Variants in RFX3 observed in about 807,000 individuals in gnomAD.
RFX3 encodes regulatory factor X3.
In RFX3, 14 loss-of-function variants were observed where a neutral mutation model predicts 98.6. That is an observed-to-expected ratio of 0.14 (90% CI 0.09 to 0.22). The LOEUF (loss-of-function observed/expected upper bound fraction) is 0.22. RFX3 is among the 10% of genes least tolerant of loss of function. The pLI is 1.00. For synonymous variants in RFX3, 383 were observed against 328.4 expected (o/e 1.17, Z -1.80); for missense variants, 639 against 926.9 (o/e 0.69, Z 4.03).
intron 1 of RFX3, among the ~76,000 whole-genome samples, chr9:3,424,006 G>A (rs545437425): frequency 8.6e-4 from 130 of 151,548 alleles, no homozygotes; most frequent in Admixed American, 3.9e-3. Context: ...AATTAGCCGG[G>A]CGTGGTGGCA....
At chr9:3,457,277 T>G (rs911655124) in intron 1 of RFX3, among the ~76,000 whole-genome samples, 8 of 152,084 alleles carry the variant, frequency 5.3e-5, no homozygotes, top group African/African-American at 1.7e-4. Context: ...TGCATGATCT[T>G]TAGTTTTCTG....
chr9:3,294,338 T>C (rs1327696147), intron 5 of RFX3, among the ~76,000 whole-genome samples: 1 of 152,072 alleles, frequency 6.6e-6, no homozygotes, highest in South Asian at 2.1e-4. Flanking sequence ...GTAAGACAGG[T>C]GTAATAAAGA....
At chr9:3,424,512 C>T (rs1245664372) in intron 1 of RFX3, among the ~76,000 whole-genome samples, 2 of 151,440 alleles carry the variant, frequency 1.3e-5, no homozygotes, top group African/African-American at 2.4e-5. Context: ...CAGGCGCCCG[C>T]CACCGCGCCC....
At chr9:3,235,868 C>T (rs1212050551) in intron 15 of RFX3, among the ~76,000 whole-genome samples, 1 of 152,196 alleles carries the variant, frequency 6.6e-6, no homozygotes, top group Non-Finnish European at 1.5e-5. Flanking sequence ...AATTAGCAAC[C>T]TTAGTTCCAC....
chr9:3,280,264 T>C (rs1377819434), intron 7 of RFX3, among the ~76,000 whole-genome samples: 1 of 151,762 alleles, frequency 6.6e-6, no homozygotes, highest in East Asian at 1.9e-4. Flanking sequence ...AAGAATGACA[T>C]CAAGATGGTA....
At chr9:3,239,754 G>GT (rs1226817549) in intron 15 of RFX3, among the ~76,000 whole-genome samples, 1 of 152,210 alleles carries the variant, frequency 6.6e-6, no homozygotes, top group Admixed American at 6.5e-5. Flanking sequence ...TCTGCTTTGT[G>GT]TTTTCCATTG....
At chr9:3,353,304 A>G (rs916478544) in intron 2 of RFX3, among the ~76,000 whole-genome samples, 2 of 152,026 alleles carry the variant, frequency 1.3e-5, no homozygotes, top group Non-Finnish European at 2.9e-5. Flanking sequence ...ATATGTAACT[A>G]ACCTGCACAT....
chr9:3,228,945 C>T, intron 15 of RFX3, 56 bp from the exon 16 acceptor site: 1 of 1,456,118 alleles, frequency 6.9e-7, no homozygotes, highest in East Asian at 2.3e-5. Context: ...TAAAATAATA[C>T]TCTATCAGTC....
chr9:3,407,519 TA>T (rs769180640), intron 1 of RFX3, among the ~76,000 whole-genome samples: 13 of 152,288 alleles, frequency 8.5e-5, no homozygotes, highest in South Asian at 4.1e-4. Context: ...AGAACTTGAA[TA>T]TGCTATATCA....
At chr9:3,273,869 A>AC (rs991207400) in intron 9 of RFX3, among the ~76,000 whole-genome samples, 3 of 151,886 alleles carry the variant, frequency 2.0e-5, no homozygotes, top group African/African-American at 7.3e-5. Context: ...TGTCTCAAAA[A>AC]AAAAAAAAAA....
chr9:3,360,609 G>C (rs550711094), intron 2 of RFX3, among the ~76,000 whole-genome samples: 1 of 151,910 alleles, frequency 6.6e-6, no homozygotes, highest in Non-Finnish European at 1.5e-5. Flanking sequence ...CTCTCTTACT[G>C]ATGCATATTT....
intron 4 of RFX3, among the ~76,000 whole-genome samples, chr9:3,320,732 A>C (rs1831178151): frequency 8.1e-6 from 1 of 123,806 alleles, no homozygotes; most frequent in African/African-American, 4.6e-5. Flanking sequence ...ACACACACAT[A>C]TGTGCCTATA....
intron 7 of RFX3, among the ~76,000 whole-genome samples, chr9:3,287,664 G>C (rs10971129): frequency 1.3e-5 from 2 of 152,004 alleles, no homozygotes; most frequent in South Asian, 4.1e-4. Flanking sequence ...GAATGCTTGA[G>C]ATCTCTTACA....
rs1434090775 is a variant in RFX3 at position 3,349,637 on chromosome 9, CCTTT to C, written c.118-2877_118-2874del. ...TATGTTTAGGTTTATCCTTTCATTG[CCTTT>C]CTTTTTCTCTATATCTTTTTAGACA... On this transcript the variant is annotated intron_variant, in intron 2 of 16. Coordinates refer to ENST00000617270, the MANE Select transcript of RFX3 (RefSeq NM_001282116.2). Among the ~76,000 whole-genome samples the C allele has an allele frequency of 2.6e-5, 4 of 152,050 alleles. No homozygotes were observed. The East Asian group carries it at 5.8e-4, about 22-fold the overall frequency.
intron 2 of RFX3, among the ~76,000 whole-genome samples, chr9:3,369,701 G>A (rs531831140): frequency 1.3e-5 from 2 of 152,290 alleles, no homozygotes; most frequent in South Asian, 2.1e-4. Context: ...TTACACTAGC[G>A]AAAGCAAATG....
chr9:3,289,697 T>C (rs1185235767), intron 6 of RFX3, among the ~76,000 whole-genome samples: 1 of 152,150 alleles, frequency 6.6e-6, no homozygotes, highest in East Asian at 1.9e-4. Flanking sequence ...GTTCTTTTTA[T>C]TTCATTGGGA....
At chr9:3,455,607 G>A (rs1438131779) in intron 1 of RFX3, among the ~76,000 whole-genome samples, 1 of 152,110 alleles carries the variant, frequency 6.6e-6, no homozygotes, top group African/African-American at 2.4e-5. Flanking sequence ...ACAATTTTCA[G>A]CCTGCTAGTA....
chr9:3,414,433 A>G lies in RFX3; in HGVS notation c.-8-18837T>C, dbSNP rs191631098. Among the ~76,000 whole-genome samples the G allele has an allele frequency of 3.3e-5, 5 of 151,852 alleles. No individual in the cohort carries two copies. The East Asian group carries it at 9.6e-4, about 29-fold the overall frequency. On this transcript the variant is annotated intron_variant, in intron 1 of 16. Transcript: ENST00000617270. ...TTCATACTAGTTGAAAGATCCAAAGACATATTTGCTGTCCTACCAAAAGGG... is the reference window on the plus strand; with the variant it reads ...TTCATACTAGTTGAAAGATCCAAAGGCATATTTGCTGTCCTACCAAAAGGG...
intron 4 of RFX3, among the ~76,000 whole-genome samples, chr9:3,324,555 G>C (rs1034777877): frequency 6.9e-6 from 1 of 144,102 alleles, no homozygotes; most frequent in African/African-American, 2.6e-5. Flanking sequence ...GTGAAAAAAA[G>C]CAAGATGCGG....
Sources: allele counts gnomAD v4.1 joint callset (sites outside exome capture counted in the v4.1 genomes callset), GRCh38; gene constraint gnomAD v4.1.1; transcripts MANE v1.5; gene names NCBI Gene and HGNC (gene_info 2026-07-23, HGNC 2026-07-21).